Variants in KCNMB3 observed in about 807,000 individuals in gnomAD.
The protein encoded by KCNMB3 is calcium-activated potassium channel subunit beta-3.
Under a neutral mutation model 11.9 loss-of-function variants are expected in KCNMB3, and 18 were observed. That is an observed-to-expected ratio of 1.51 (90% confidence interval 1.04 to 2.23). The LOEUF (loss-of-function observed/expected upper bound fraction) is 2.23. KCNMB3 is among the 30% of genes most tolerant of loss of function. The probability of loss-of-function intolerance (pLI) is 0.00; values close to 1 mark genes in which losing one functional copy is unlikely to be tolerated. For missense variants in KCNMB3, 247 were observed against 329.4 expected, an observed-to-expected ratio of 0.75 and a Z score of 1.94; for synonymous variants, 78 against 119.2, an observed-to-expected ratio of 0.65 and a Z score of 2.25.
At chr3:179,247,376 A>T (rs1172588988) in intron 1 of KCNMB3, among the ~76,000 whole-genome samples, 5 of 152,088 alleles carry the variant, frequency 3.3e-5, no homozygotes, top group Non-Finnish European at 5.9e-5. Flanking sequence ...AAAAGGAGTA[A>T]ATGAAAAAGA....
chr3:179,260,148 C>T (rs1245248395), intron 1 of KCNMB3: 95 of 1,609,506 alleles, frequency 5.9e-5, no homozygotes, highest in Non-Finnish European at 7.7e-5. Flanking sequence ...TGCCTGCTCT[C>T]CAACCTGAGT....
chr3:179,248,631 G>A (rs540487983), intron 1 of KCNMB3, among the ~76,000 whole-genome samples: 1 of 151,910 alleles, frequency 6.6e-6, no homozygotes, highest in East Asian at 1.9e-4. Flanking sequence ...GGGAGGCTGA[G>A]GCAGGAGGAT....
At chr3:179,259,976 C>T in intron 1 of KCNMB3, 1 of 1,613,008 alleles carries the variant, frequency 6.2e-7, no homozygotes, top group Non-Finnish European at 8.5e-7. Flanking sequence ...CTGTACTCTG[C>T]ACTGGAACCT....
intron 1 of KCNMB3, among the ~76,000 whole-genome samples, chr3:179,262,951 C>T (rs1476904558): frequency 1.3e-5 from 2 of 152,246 alleles, no homozygotes; most frequent in African/African-American, 4.8e-5. Flanking sequence ...CATAAACGTT[C>T]TCCAAGTCCC....
chr3:179,248,447 G>A (rs938608246), intron 1 of KCNMB3, among the ~76,000 whole-genome samples: 3 of 152,076 alleles, frequency 2.0e-5, no homozygotes, highest in South Asian at 2.1e-4. Context: ...TTAACTACTG[G>A]TCAGGCATGG....
intron 1 of KCNMB3, among the ~76,000 whole-genome samples, chr3:179,245,141 T>C (rs1183967286): frequency 6.6e-6 from 1 of 152,214 alleles, no homozygotes; most frequent in Non-Finnish European, 1.5e-5. Flanking sequence ...AGCATTACCA[T>C]AATGCTGTAA....
chr3:179,240,896 T>C (rs1236602652), downstream of KCNMB3: 5 of 152,210 alleles, frequency 3.3e-5, no homozygotes, highest in South Asian at 2.1e-4. Context: ...GCAGATGATT[T>C]AAAATGTGCG....
chr3:179,262,287 T>C (rs1560161990), intron 1 of KCNMB3, among the ~76,000 whole-genome samples: 1 of 152,242 alleles, frequency 6.6e-6, no homozygotes, highest in Non-Finnish European at 1.5e-5. Flanking sequence ...TTTATGAAAC[T>C]GTGTCCGGAA....
At chr3:179,245,528 G>A (rs1379696598) in intron 1 of KCNMB3, among the ~76,000 whole-genome samples, 4 of 151,588 alleles carry the variant, frequency 2.6e-5, no homozygotes, top group Admixed American at 1.3e-4. Context: ...GGGGGGGATG[G>A]AGTTTCGCTC....
downstream of KCNMB3, chr3:179,240,323 T>C (rs1725421827): frequency 2.6e-6 from 1 of 380,862 alleles, no homozygotes; most frequent in Non-Finnish European, 4.7e-6. Context: ...AAGGAATGTA[T>C]GTTTAAATAT....
chr3:179,251,857 G>A (rs746885033), upstream of KCNMB3, among the ~76,000 whole-genome samples: 3 of 152,060 alleles, frequency 2.0e-5, no homozygotes, highest in Non-Finnish European at 4.4e-5. Flanking sequence ...TAGTAGCTGG[G>A]ATTACAGGCG....
Position 179,265,848 on chromosome 3 carries a change from C to T in KCNMB3, c.62+801G>A, listed in dbSNP as rs75501156. ...CCACATTGACTGCCCCATGCCCCAA[C>T]CCTAGGGCAGGCAAAAGGGGTGCAG... On this transcript the variant is annotated intron_variant, in intron 1 of 3. Coordinates refer to the KCNMB3 transcript ENST00000349697. Among the ~76,000 whole-genome samples, 1,050 of 152,306 alleles carry T rather than the reference C, an allele frequency of 6.9e-3. 25 individuals are homozygous for T. The East Asian group carries it at 0.11, about 16-fold the overall frequency.
rs769811120 is a variant in KCNMB3 at position 179,250,768 on chromosome 3, T to C, written c.223A>G (p.Thr75Ala). Residue 75 changes from threonine (T) to alanine (A), a missense_variant, in exon 1 of 3, where the codon ACC (threonine) becomes GCC (alanine). Transcript: ENST00000392685. ...CTGAGCATAAAAGGCTTTAGAATGG[T>C]TGTTCCGAGCAAGAAGAACATTAGG... ...SVLMFFLLGT[T>A]ILKPFMLSIQ... 2 of 1,614,224 alleles carry C rather than the reference T, an allele frequency of 1.2e-6. No individual in the cohort carries two copies. Among genetic ancestry groups the C allele is most frequent in the South Asian group, 2.2e-5 (2 of 91,082 alleles).
chr3:179,259,615 C>T (rs1726135004), intron 1 of KCNMB3: 1 of 1,608,394 alleles, frequency 6.2e-7, no homozygotes, highest in Non-Finnish European at 8.5e-7. Context: ...GTAGACTTTA[C>T]CTGCTCTTCT....
At chr3:179,254,705 C>A (rs538737785), upstream of KCNMB3, among the ~76,000 whole-genome samples, 7 of 152,070 alleles carry the variant, frequency 4.6e-5, no homozygotes, top group African/African-American at 7.2e-5. Context: ...CTAGCTGCTG[C>A]GGCAGGAGAA....
At chr3:179,257,816 G>A (rs1173480799) in intron 1 of KCNMB3, among the ~76,000 whole-genome samples, 2 of 152,080 alleles carry the variant, frequency 1.3e-5, no homozygotes, top group Admixed American at 6.5e-5. Context: ...GGCCTCAAGC[G>A]ATCCTCCAAA....
chr3:179,259,392 T>G, intron 1 of KCNMB3: 4 of 1,585,320 alleles, frequency 2.5e-6, no homozygotes, highest in South Asian at 2.4e-5. Flanking sequence ...GCCTGATGAT[T>G]GAACTGTGAC....
chr3:179,254,827 G>A (rs973476582), upstream of KCNMB3, among the ~76,000 whole-genome samples: 25 of 151,940 alleles, frequency 1.6e-4, no homozygotes, highest in African/African-American at 6.0e-4. Flanking sequence ...AAAAGAAGAC[G>A]TATATAAATG....
intron 1 of KCNMB3, among the ~76,000 whole-genome samples, chr3:179,262,110 A>G (rs1340469865): frequency 6.6e-6 from 1 of 152,210 alleles, no homozygotes; most frequent in Non-Finnish European, 1.5e-5. Context: ...CCACTATCAG[A>G]TTATGATGTA....
Sources: allele counts gnomAD v4.1 joint callset (sites outside exome capture counted in the v4.1 genomes callset), GRCh38; gene constraint gnomAD v4.1.1; transcripts MANE v1.5; gene names NCBI Gene and HGNC (gene_info 2026-07-23, HGNC 2026-07-21).